AHCY: variants seen among roughly 807,000 people sequenced by gnomAD.
AHCY encodes the protein adenosylhomocysteinase.
Under a neutral mutation model 45.4 loss-of-function variants are expected in AHCY, and 24 were observed. That is an observed-to-expected ratio of 0.53 (90% CI 0.38 to 0.74). The LOEUF is 0.74. AHCY is among the 30% of genes least tolerant of loss of function. The probability of loss-of-function intolerance (pLI) is 0.00; values close to 1 mark genes in which losing one functional copy is unlikely to be tolerated. For synonymous variants in AHCY, 245 were observed against 235.1 expected (o/e 1.04, Z -0.39); for missense variants, 449 against 594.1 (o/e 0.76, Z 2.54).
rs768541648 is a variant in AHCY at position 34,290,800 on chromosome 20, G to A, written c.697C>T (p.Arg233Trp). ...ATGATGACGCGGGCTCCGAAACCCCGCAGGGCCTGGGCACAGCCCTTGCCC... is the reference window on the plus strand; with the variant it reads ...ATGATGACGCGGGCTCCGAAACCCCACAGGGCCTGGGCACAGCCCTTGCCC... Reference protein sequence around the residue: ...DVGKGCAQALRGFGARVIITE... With the variant: ...DVGKGCAQALWGFGARVIITE... The change falls in exon 6 of 10, where the codon CGG (arginine) becomes TGG (tryptophan). Residue 233 changes from arginine (R) to tryptophan (W), a missense_variant. Physicochemically the swap from Arg to Trp is moderately radical, Grantham distance 101. Transcript: ENST00000217426. This position sits in a 1 kb window ranked among gnomAD's most constrained non-coding sequence, Gnocchi z 4.5. The A allele has an allele frequency of 1.4e-5, 22 of 1,613,970 alleles. No individual in the cohort carries two copies. The highest frequency in any genetic ancestry group is 3.3e-5 in the South Asian group (3 of 91,068).
At chr20:34,268,947 G>A in the AHCY span, 1 of 1,561,368 alleles carries the variant, frequency 6.4e-7, no homozygotes, top group Non-Finnish European at 8.7e-7. Context: ...GGACCGGAGG[G>A]GTGGGCGTGG....
At chr20:34,239,825 C>T in the AHCY span, among the ~76,000 whole-genome samples, 18 of 152,332 alleles carry the variant, frequency 1.2e-4, no homozygotes, top group African/African-American at 4.1e-4. Flanking sequence ...TCCCACTCTT[C>T]TGCACCCATC....
chr20:34,258,673 C>T, the AHCY span, among the ~76,000 whole-genome samples: 1 of 4,602 alleles, frequency 2.2e-4, no homozygotes, highest in Non-Finnish European at 6.0e-4. Context: ...AAGGGGGATG[C>T]CATATATATA....
At chr20:34,308,843 G>A (rs770141421) in intron 1 of AHCY, among the ~76,000 whole-genome samples, 19 of 151,490 alleles carry the variant, frequency 1.3e-4, no homozygotes, top group Admixed American at 5.9e-4. Flanking sequence ...TAGTAGAGAC[G>A]GGGTTTCACC....
At chr20:34,294,666 GA>G (rs2036513033) in intron 2 of AHCY, among the ~76,000 whole-genome samples, 1 of 152,140 alleles carries the variant, frequency 6.6e-6, no homozygotes, top group South Asian at 2.1e-4. Flanking sequence ...TTGGGAAGAA[GA>G]GGGGGCAGAA....
chr20:34,242,760 A>T, the AHCY span, among the ~76,000 whole-genome samples: 2 of 152,198 alleles, frequency 1.3e-5, no homozygotes, highest in African/African-American at 4.8e-5. Context: ...TTCATCTCAC[A>T]TCAAAGCCTC....
intron 1 of AHCY, among the ~76,000 whole-genome samples, chr20:34,309,879 A>C (rs1303205783): frequency 6.9e-6 from 1 of 144,972 alleles, no homozygotes; most frequent in Non-Finnish European, 1.5e-5. Context: ...GGAGAAAAGG[A>C]GGTAGGGAGG....
chr20:34,278,422 G>A (rs914766247), downstream of AHCY, among the ~76,000 whole-genome samples: 4 of 152,152 alleles, frequency 2.6e-5, no homozygotes, highest in East Asian at 1.9e-4. Context: ...CACAGGCAGC[G>A]GCTGTGCAGC....
the AHCY span, among the ~76,000 whole-genome samples, chr20:34,250,547 C>T: frequency 6.6e-6 from 1 of 152,058 alleles, no homozygotes; most frequent in Non-Finnish European, 1.5e-5. Context: ...CCTGTAATCC[C>T]AGCACTTTGG....
chr20:34,287,953 G>A (rs913049271), intron 8 of AHCY, among the ~76,000 whole-genome samples: 1 of 152,216 alleles, frequency 6.6e-6, no homozygotes, highest in Non-Finnish European at 1.5e-5. Context: ...TGGCAGAAAG[G>A]TGCCCATCAC....
At chr20:34,252,444 G>C in the AHCY span, among the ~76,000 whole-genome samples, 1 of 152,170 alleles carries the variant, frequency 6.6e-6, no homozygotes, top group Non-Finnish European at 1.5e-5. Flanking sequence ...CTAGATTTAT[G>C]TTTTTCTTTA....
rs748279307 is a variant in AHCY at position 34,290,542 on chromosome 20, G to C, written c.854+9C>G. On this transcript the variant is annotated intron_variant, in intron 7 of 9. Coordinates refer to ENST00000217426, the MANE Select transcript of AHCY (RefSeq NM_000687.4). This position sits in a 1 kb window ranked among gnomAD's most constrained non-coding sequence, Gnocchi z 4.5. ...CCTCACTCCCCGGGACCCCCCATCT[G>C]GCACCTACCGGCCAAGGATGATGTC... is the stretch of plus-strand genomic sequence containing the variant. 6.8e-6 allele frequency: 11 copies of C among 1,614,098 alleles called. No homozygotes were observed. In the South Asian group the frequency reaches 1.2e-4, roughly 18 times the overall value.
At chr20:34,239,817 C>T in the AHCY span, among the ~76,000 whole-genome samples, 2 of 152,154 alleles carry the variant, frequency 1.3e-5, no homozygotes, top group South Asian at 2.1e-4. Flanking sequence ...ATCCCCTATC[C>T]CACTCTTCTG....
intron 1 of AHCY, chr20:34,301,908 G>A (rs1206583867): frequency 2.0e-6 from 2 of 985,278 alleles, no homozygotes; most frequent in East Asian, 2.3e-4. Context: ...CCTCTATGAA[G>A]ATTATTGTGT....
At chr20:34,270,128 G>A in the AHCY span, among the ~76,000 whole-genome samples, 2 of 151,618 alleles carry the variant, frequency 1.3e-5, no homozygotes, top group Non-Finnish European at 2.9e-5. Context: ...GGCATGCACC[G>A]GTAGTCCCAG....
chr20:34,285,936 T>TAA (rs767270185), intron 8 of AHCY: 7 of 320,362 alleles, frequency 2.2e-5, no homozygotes, highest in East Asian at 7.4e-5. Flanking sequence ...CCGTCTCTAC[T>TAA]AAAAAAAAAA....
chr20:34,269,170 G>T, the AHCY span: 1 of 1,516,508 alleles, frequency 6.6e-7, no homozygotes. Flanking sequence ...ACTGCTGAGC[G>T]CCCCCACTCC....
chr20:34,232,446 C>A, the AHCY span, among the ~76,000 whole-genome samples: 1 of 152,134 alleles, frequency 6.6e-6, no homozygotes, highest in Non-Finnish European at 1.5e-5. Context: ...GAGGTTGGAA[C>A]CAAATCCGTC....
chr20:34,269,093 G>C, the AHCY span: 1 of 1,572,476 alleles, frequency 6.4e-7, no homozygotes, highest in Non-Finnish European at 8.6e-7. Flanking sequence ...CGCCTGCTGC[G>C]ACCCGTGCGC....
Sources: allele counts gnomAD v4.1 joint callset (sites outside exome capture counted in the v4.1 genomes callset), GRCh38; gene constraint gnomAD v4.1.1; non-coding constraint Gnocchi (gnomAD v3.1); transcripts MANE v1.5; gene names NCBI Gene and HGNC (gene_info 2026-07-23, HGNC 2026-07-21).